The following SLC35A3 variants were observed in gnomAD, a reference collection of about 807,000 sequenced individuals.
SLC35A3 encodes solute carrier family 35 member A3.
A neutral mutation model predicts 39.0 loss-of-function variants in SLC35A3; 26 were observed. The observed-to-expected ratio is 0.67, with a 90% CI of 0.49 to 0.92. The LOEUF (loss-of-function observed/expected upper bound fraction) is 0.92. SLC35A3 is among the 40% of genes least tolerant of loss of function. The probability of loss-of-function intolerance (pLI) is 0.00; values close to 1 mark genes in which losing one functional copy is unlikely to be tolerated. For synonymous variants in SLC35A3, 135 were observed against 133.1 expected (o/e 1.01, Z -0.10); for missense variants, 299 against 371.6 (o/e 0.80, Z 1.61).
chr1:100,007,286 G>C, intron 4 of SLC35A3, 130 bp downstream of exon 4: 4 of 763,874 alleles, frequency 5.2e-6, no homozygotes, highest in Non-Finnish European at 8.4e-6. Context: ...ACTAACATAT[G>C]TTTTGAGGGC....
At chr1:99,971,602 C>T (rs1010723060) in intron 1 of SLC35A3, among the ~76,000 whole-genome samples, 9 of 152,170 alleles carry the variant, frequency 5.9e-5, no homozygotes, top group Non-Finnish European at 1.2e-4. Context: ...CCACCGCACC[C>T]GGCCCCCAAT....
rs1655439654 is a variant in SLC35A3, at chr1:100,023,003, G to A, written c.*527G>A. 6.6e-6 allele frequency: 1 copy of A among 152,354 alleles called. No homozygotes were observed. Among genetic ancestry groups the A allele is most frequent in the Admixed American group, 6.6e-5 (1 of 15,252 alleles). 9.4% of individuals were successfully genotyped at this position (152,354 alleles called of 1,614,324 possible). Reference sequence around the variant, plus strand: ...TTTATACAAAAGATTACTAAATGAAGGATTGCTAAATGTTTTTGGTTCAAT... The same window carrying A: ...TTTATACAAAAGATTACTAAATGAAAGATTGCTAAATGTTTTTGGTTCAAT... On this transcript the variant is annotated 3_prime_UTR_variant, in exon 8 of 8. Transcript: ENST00000533028.
intron 3 of SLC35A3, among the ~76,000 whole-genome samples, chr1:100,003,991 C>T (rs918586439): frequency 2.6e-5 from 4 of 152,236 alleles, no homozygotes; most frequent in East Asian, 1.9e-4. Flanking sequence ...CCTTTACTTT[C>T]GTCTGTTTGT....
Position 100,016,784 on chromosome 1 carries a change from A to G in SLC35A3, c.754-898A>G, listed in dbSNP as rs188221078. 4.0e-4 allele frequency among the ~76,000 whole-genome samples: 61 copies of G among 152,306 alleles called. No individual in the cohort carries two copies. In the East Asian group the frequency reaches 0.012, roughly 29 times the overall value. ...GAGATAGGGTGAGTCAAGAGAGTTT[A>G]TGTATGATGTATCTTATTCCAGCAA... On this transcript the variant is annotated intron_variant, in intron 6 of 7. Transcript: ENST00000533028.
At chr1:100,000,254 C>G (rs1658675289) in intron 3 of SLC35A3, among the ~76,000 whole-genome samples, 1 of 152,048 alleles carries the variant, frequency 6.6e-6, no homozygotes, top group Non-Finnish European at 1.5e-5. Flanking sequence ...TATTTTTTGT[C>G]TTTTTGATAA....
chr1:100,020,712 C>T (rs143305119), intron 7 of SLC35A3, among the ~76,000 whole-genome samples: 1 of 152,210 alleles, frequency 6.6e-6, no homozygotes, highest in East Asian at 1.9e-4. Context: ...CATTTAATGA[C>T]AGTGTGGTAA....
At chr1:99,983,658 C>CT (rs1415015726) in intron 1 of SLC35A3, among the ~76,000 whole-genome samples, 1 of 151,706 alleles carries the variant, frequency 6.6e-6, no homozygotes, top group East Asian at 1.9e-4. Context: ...TGGAGTCTTG[C>CT]TCTCTCACCC....
At chr1:99,976,738 T>C (rs1231698135) in intron 1 of SLC35A3, among the ~76,000 whole-genome samples, 1 of 152,170 alleles carries the variant, frequency 6.6e-6, no homozygotes, top group Non-Finnish European at 1.5e-5. Flanking sequence ...CTCTCAGTTA[T>C]AAGTAGGAGC....
chr1:100,019,406 T>A (rs553118467), intron 7 of SLC35A3, among the ~76,000 whole-genome samples: 1 of 149,478 alleles, frequency 6.7e-6, no homozygotes, highest in Admixed American at 6.7e-5. Flanking sequence ...AATGAATGAA[T>A]GAATGAATGA....
At chr1:100,008,613 C>G (rs951931146) in intron 4 of SLC35A3, 2 of 152,358 alleles carry the variant, frequency 1.3e-5, no homozygotes, top group South Asian at 4.1e-4. Context: ...TTTTGCACAG[C>G]TGAGCATTTA....
chr1:99,997,398 TTATATATAGTTTTATATATA>T (rs1244068778), intron 2 of SLC35A3, among the ~76,000 whole-genome samples: 1 of 102,056 alleles, frequency 9.8e-6, no homozygotes, highest in African/African-American at 3.8e-5. Context: ...GTTATATGTT[TTATATATAGTTTTATATATA>T]TATATATATA....
At chr1:99,996,863 GT>G (rs1557832366) in intron 2 of SLC35A3, among the ~76,000 whole-genome samples, 1 of 151,674 alleles carries the variant, frequency 6.6e-6, no homozygotes, top group African/African-American at 2.4e-5. Flanking sequence ...CAATTTTAAA[GT>G]TTTTTTTATT....
intron 3 of SLC35A3, chr1:100,000,841 G>A (rs1312227723): frequency 6.6e-6 from 1 of 151,464 alleles, no homozygotes; most frequent in East Asian, 1.9e-4. Context: ...TTATAGTTTT[G>A]AGTCTTATGT....
At chr1:100,011,652 C>T in intron 5 of SLC35A3, 119 bp downstream of exon 5, 1 of 316,494 alleles carries the variant, frequency 3.2e-6, no homozygotes, top group Non-Finnish European at 5.8e-6. Flanking sequence ...ATCCAAATAT[C>T]TGGCAATGCT....
intron 2 of SLC35A3, among the ~76,000 whole-genome samples, chr1:99,998,724 G>C (rs899472836): frequency 3.3e-5 from 5 of 152,168 alleles, no homozygotes; most frequent in African/African-American, 1.2e-4. Context: ...CTCTATAAAA[G>C]CTTTAAATCT....
intron 1 of SLC35A3, among the ~76,000 whole-genome samples, chr1:99,977,550 A>AGGAGGAAG (rs1174130058): frequency 4.5e-5 from 5 of 111,880 alleles, no homozygotes; most frequent in Admixed American, 3.8e-4. Context: ...CTCAGAAGGA[A>AGGAGGAAG]GGAGGAAGGG....
intron 1 of SLC35A3, among the ~76,000 whole-genome samples, chr1:99,974,172 A>T (rs1430184737): frequency 6.6e-6 from 1 of 152,158 alleles, no homozygotes; most frequent in Non-Finnish European, 1.5e-5. Context: ...TTCTAAATTC[A>T]TATATGCTAT....
rs2101424040 is a variant in SLC35A3 at position 100,015,336 on chromosome 1, A to G, written c.669A>G (p.Val223=). The part of the protein sequence containing the change: ...FFGSIFGLMG[V]YIYDGELVSK... ...GAAGTATATTTGGATTAATGGGTGT[A>G]TACATTTATGATGGAGAACTGGTAT... Residue 223 remains valine (V), a synonymous_variant, in exon 6 of 8, where the codon GTA becomes GTG. Coordinates refer to ENST00000533028, the MANE Select transcript of SLC35A3 (RefSeq NM_012243.3). 2 of 1,612,920 alleles carry G rather than the reference A, an allele frequency of 1.2e-6. No individual in the cohort carries two copies. Among genetic ancestry groups the G allele is most frequent in the Non-Finnish European group, 1.7e-6 (2 of 1,179,530 alleles).
chr1:99,970,449 C>T lies in SLC35A3; in HGVS notation c.-19+287C>T, dbSNP rs1656734442. On this transcript the variant is annotated intron_variant, in intron 1 of 7. Transcript: ENST00000533028. ...GAGGGGTGTGTCAAGCGAATGAAGA[C>T]GGCAGTGTGTGCCTCAGCGCCTGGT... 6.0e-6 allele frequency: 5 copies of T among 836,742 alleles called. No homozygotes were observed. The African/African-American group carries it at 8.5e-5, about 14-fold the overall frequency. 51.8% of individuals were successfully genotyped at this position (836,742 alleles called of 1,614,324 possible).
Sources: allele counts gnomAD v4.1 joint callset (sites outside exome capture counted in the v4.1 genomes callset), GRCh38; gene constraint gnomAD v4.1.1; transcripts MANE v1.5; gene names NCBI Gene and HGNC (gene_info 2026-07-23, HGNC 2026-07-21).